Variants in CEP192 observed in about 807,000 individuals in gnomAD.
CEP192 encodes centrosomal protein of 192 kDa.
In CEP192, 151 loss-of-function variants were observed where a neutral mutation model predicts 271.8. The observed-to-expected ratio is 0.56, with a 90% CI of 0.49 to 0.64. The LOEUF (loss-of-function observed/expected upper bound fraction) is 0.64, where lower values mean the gene tolerates loss of function less well. CEP192 is among the 30% of genes least tolerant of loss of function. The pLI, the probability that CEP192 is intolerant of heterozygous loss-of-function variation, is 0.00. For missense variants in CEP192, 2,910 were observed against 3,020.5 expected (o/e 0.96, Z 0.86); for synonymous variants, 995 against 1,076.5 (o/e 0.92, Z 1.48).
At chr18:13,089,372 C>A in intron 32 of CEP192, 84 bp from the exon 33 acceptor site, 1 of 642,962 alleles carries the variant, frequency 1.6e-6, no homozygotes, top group East Asian at 2.8e-5. Context: ...GTGGGATTTG[C>A]CAAATGCATT....
At chr18:12,998,261 A>G (rs1304847633) in intron 1 of CEP192, among the ~76,000 whole-genome samples, 2 of 152,068 alleles carry the variant, frequency 1.3e-5, no homozygotes, top group Non-Finnish European at 2.9e-5. Flanking sequence ...AAACTTTCCA[A>G]CACACCGTTT....
intron 4 of CEP192, among the ~76,000 whole-genome samples, chr18:13,009,014 G>GTTTTTTTTT (rs10586819): frequency 1.7e-5 from 2 of 120,432 alleles, no homozygotes; most frequent in African/African-American, 3.4e-5. Context: ...TGGCCTTTTT[G>GTTTTTTTTT]TTTTTTTTTT....
At chr18:13,023,487 T>C (rs1031926466) in intron 9 of CEP192, among the ~76,000 whole-genome samples, 7 of 152,094 alleles carry the variant, frequency 4.6e-5, no homozygotes, top group African/African-American at 1.7e-4. Flanking sequence ...TTTTTTTTTT[T>C]TTTGCAGCTA....
chr18:13,100,297 C>T lies in CEP192; in HGVS notation c.6664-8C>T, dbSNP rs541876807. ...TTGTAGCTTATCCCTTTATTTGGCT[C>T]ATTTCAGAAAATTGTGAAAGTTCAA... On this transcript the variant is annotated splice_region_variant and splice_polypyrimidine_tract_variant and intron_variant, in intron 37 of 44. Coordinates refer to ENST00000506447, the MANE Select transcript of CEP192 (RefSeq NM_032142.4). 3 of 1,607,914 alleles carry T rather than the reference C, an allele frequency of 1.9e-6. No individual in the cohort carries two copies. In the South Asian group the frequency reaches 3.3e-5, roughly 18 times the overall value.
Position 13,113,678 on chromosome 18 carries a change from C to G in CEP192, c.7140C>G (p.His2380Gln). 1 of 1,612,956 alleles carries G rather than the reference C, an allele frequency of 6.2e-7. No homozygotes were observed. Among genetic ancestry groups the G allele is most frequent in the Non-Finnish European group, 8.5e-7 (1 of 1,179,320 alleles). Residue 2380 changes from histidine (H) to glutamine (Q), a missense_variant, in exon 41 of 45, where the codon CAC (histidine) becomes CAG (glutamine). Physicochemically the swap from His to Gln is conservative, Grantham distance 24. Transcript: ENST00000506447. ...CTCTTAAGGAGCCTCACATGAAACA[C>G]ACGTTGAGATTCCAACTCTCTGGAC... is the stretch of plus-strand genomic sequence containing the variant. ...CHPLKEPHMK[H>Q]TLRFQLSGQS...
At chr18:13,046,128 G>T (rs1033103807) in intron 15 of CEP192, among the ~76,000 whole-genome samples, 1 of 152,220 alleles carries the variant, frequency 6.6e-6, no homozygotes, top group Admixed American at 6.5e-5. Flanking sequence ...TTGGCTTCTG[G>T]GGGGGCCTCA....
chr18:13,113,572 T>C lies in CEP192; in HGVS notation c.7048-14T>C, dbSNP rs1403535797. 1 of 1,612,388 alleles carries C rather than the reference T, an allele frequency of 6.2e-7. No individual in the cohort carries two copies. On this transcript the variant is annotated splice_polypyrimidine_tract_variant and intron_variant, in intron 40 of 44. Transcript: ENST00000506447. ...GATCAGTGTCTAAATTTCTCTTCTG[T>C]ATGTATTTCGTAGGTCTCCATCACA...
At chr18:13,123,123 T>C (rs1164596843) in intron 44 of CEP192, among the ~76,000 whole-genome samples, 2 of 152,212 alleles carry the variant, frequency 1.3e-5, no homozygotes, top group African/African-American at 2.4e-5. Flanking sequence ...TTTTTGGGGC[T>C]ATTTTATTAT....
At chr18:13,016,450 A>T (rs1180199923) in intron 6 of CEP192, among the ~76,000 whole-genome samples, 2 of 152,248 alleles carry the variant, frequency 1.3e-5, no homozygotes, top group East Asian at 3.8e-4. Flanking sequence ...AGCCAGGCTG[A>T]TGAGCGGAGT....
At chr18:13,028,393 CAG>C (rs1252861547) in intron 9 of CEP192, among the ~76,000 whole-genome samples, 1 of 152,184 alleles carries the variant, frequency 6.6e-6, no homozygotes, top group African/African-American at 2.4e-5. Context: ...TTCAAGACAT[CAG>C]AGTGTTACAC....
intron 42 of CEP192, among the ~76,000 whole-genome samples, chr18:13,115,381 G>C (rs1033500171): frequency 1.3e-5 from 2 of 152,214 alleles, no homozygotes; most frequent in Non-Finnish European, 2.9e-5. Context: ...AAACGGCCTA[G>C]GTGAGGAGGG....
chr18:13,072,532 T>C (rs1171457055), intron 28 of CEP192, among the ~76,000 whole-genome samples: 1 of 152,228 alleles, frequency 6.6e-6, no homozygotes, highest in Non-Finnish European at 1.5e-5. Context: ...GAGCTATAAC[T>C]GGAGAGAGAT....
Position 13,087,127 on chromosome 18 carries a change from T to G in CEP192, c.5727T>G (p.Ser1909Arg). ...ATGGCTTAGTACCTGGCAAAGAAAG[T>G]AAAATTGTTTTTTCTGTCCGCAACA... ...TVNGLVPGKESKIVFSVRNTG... is the reference protein window; with the variant it reads ...TVNGLVPGKERKIVFSVRNTG... Residue 1909 changes from serine to arginine, a missense_variant, in exon 31 of 45, where the codon AGT becomes AGG. Coordinates refer to ENST00000506447, the MANE Select transcript of CEP192 (RefSeq NM_032142.4). 2.5e-6 allele frequency: 4 copies of G among 1,614,126 alleles called. No homozygotes were observed. Among genetic ancestry groups the G allele is most frequent in the Non-Finnish European group, 3.4e-6 (4 of 1,179,990 alleles).
At chr18:13,019,617 A>G (rs946134938) in intron 9 of CEP192, among the ~76,000 whole-genome samples, 5 of 152,224 alleles carry the variant, frequency 3.3e-5, no homozygotes, top group Admixed American at 2.6e-4. Flanking sequence ...CCCTTTTTAA[A>G]TAGTGTTATT....
chr18:13,057,585 G>GGAGTGTCC lies in CEP192; in HGVS notation c.4115_4122dup (p.Pro1375SerfsTer7), dbSNP rs1378371330. ...TTGACTGTGCCTTATTCTCACCCAG[G>GGAGTGTCC]GAGTGTCCGAGTGCCCGAGGAGTTG... On this transcript the variant is annotated frameshift_variant and splice_region_variant, in exon 20 of 45. Transcript: ENST00000506447. LOFTEE classifies it high-confidence loss of function. The GGAGTGTCC allele has an allele frequency of 6.2e-7, 1 of 1,613,808 alleles. No individual in the cohort carries two copies.
At chr18:13,017,428 G>A (rs2034718051) in intron 7 of CEP192, 92 bp downstream of exon 7, 2 of 962,508 alleles carry the variant, frequency 2.1e-6, no homozygotes, top group East Asian at 5.8e-5. Context: ...TAAGCCTTTG[G>A]ACTTTGGACT....
At chr18:12,999,828 A>ATTTTTTTTTTTTTTTTT (rs36207281) in intron 2 of CEP192, among the ~76,000 whole-genome samples, 1 of 124,040 alleles carries the variant, frequency 8.1e-6, no homozygotes, top group African/African-American at 2.8e-5. Context: ...ATTTCGGTCT[A>ATTTTTTTTTTTTTTTTT]TTTTTTTTTT....
intron 44 of CEP192, among the ~76,000 whole-genome samples, chr18:13,121,513 G>T (rs2040658558): frequency 6.6e-6 from 1 of 152,238 alleles, no homozygotes; most frequent in South Asian, 2.1e-4. Context: ...TGCAGAGGTG[G>T]GTGAACACGA....
chr18:12,997,741 G>C (rs1019207355), intron 1 of CEP192, among the ~76,000 whole-genome samples: 1 of 151,834 alleles, frequency 6.6e-6, no homozygotes, highest in African/African-American at 2.4e-5. Context: ...TTATTTTTGG[G>C]GGGGATAGAG....
Sources: allele counts gnomAD v4.1 joint callset (sites outside exome capture counted in the v4.1 genomes callset), GRCh38; gene constraint gnomAD v4.1.1; transcripts MANE v1.5; gene names NCBI Gene and HGNC (gene_info 2026-07-23, HGNC 2026-07-21).